The following ABCB6 variants were observed in gnomAD, a reference collection of about 807,000 sequenced individuals.
The protein encoded by ABCB6 is ATP-binding cassette sub-family B member 6.
Under a neutral mutation model 99.4 loss-of-function variants are expected in ABCB6, and 87 were observed. That is an observed-to-expected ratio of 0.88 (90% CI 0.74 to 1.05). The LOEUF is 1.05. Among genes scored for constraint, ABCB6 ranks in the 50% least tolerant of loss-of-function variants. ABCB6 has a pLI of 0.00. For synonymous variants in ABCB6, 482 were observed against 447.5 expected (o/e 1.08, Z -0.97); for missense variants, 1,050 against 1,097.9 (o/e 0.96, Z 0.62).
In ABCB6 at chr2:219,218,769, G is replaced by C; in HGVS notation, c.-96C>G. 1 of 1,342,122 alleles carries C rather than the reference G, an allele frequency of 7.5e-7. No individual in the cohort carries two copies. The highest frequency in any genetic ancestry group is 1.5e-5 in the South Asian group (1 of 64,606). The allele number at this position is 1,342,122 out of a possible 1,614,324, so 83.1% of individuals were successfully genotyped here. On this transcript the variant is annotated 5_prime_UTR_variant, in exon 1 of 19. Transcript: ENST00000265316. ...GGGGCGCGGACATCCGGGTGCCTTG[G>C]CTCACGTAGCCGCTGGGCGCCAAGC... is the stretch of plus-strand genomic sequence containing the variant.
chr2:219,215,975 G>A, intron 5 of ABCB6, 22 bp downstream of exon 5: 1 of 1,536,454 alleles, frequency 6.5e-7, no homozygotes, highest in South Asian at 1.2e-5. Flanking sequence ...CCTCCCACAT[G>A]CCCTTTCCAC....
intron 1 of ABCB6, 111 bp downstream of exon 1, chr2:219,218,014 C>G (rs990198819): frequency 7.0e-6 from 10 of 1,420,466 alleles, no homozygotes; most frequent in South Asian, 1.4e-5. Context: ...CCCCTCCCTT[C>G]TCCCTTTGCT....
In ABCB6 at chr2:219,216,541, C is replaced by CA. The variant is rs1950644555; in HGVS notation, c.869-77dup. The CA allele has an allele frequency of 6.4e-7, 1 of 1,557,890 alleles. No homozygotes were observed. Among genetic ancestry groups the CA allele is most frequent in the Admixed American group, 1.8e-5 (1 of 54,518 alleles). On this transcript the variant is annotated intron_variant, in intron 3 of 18. Coordinates refer to ENST00000265316, the MANE Select transcript of ABCB6 (RefSeq NM_005689.4). The surrounding 1 kb of genome is among the most constrained non-coding windows in gnomAD (Gnocchi z 4.2). ...AGGCAAAATGGCCCCAGGTACCAGC[C>CA]ACAGTCTCTTTCTGACCACCCAGCT... is the stretch of plus-strand genomic sequence containing the variant.
chr2:219,216,464 C>A lies in ABCB6; in HGVS notation c.870G>T (p.Val290=). 1 of 1,613,898 alleles carries A rather than the reference C, an allele frequency of 6.2e-7. No individual in the cohort carries two copies. The highest frequency in any genetic ancestry group is 1.1e-5 in the South Asian group (1 of 91,068). The change falls in exon 4 of 19, where the codon GTG becomes GTT. Residue 290 remains valine, a splice_region_variant and synonymous_variant. Transcript: ENST00000265316. The surrounding 1 kb of genome is among the most constrained non-coding windows in gnomAD (Gnocchi z 4.2). The part of the protein sequence containing the change: ...VLVPIFYRNI[V]NLLTEKAPWN... ...AAGGTGCCTTCTCAGTCAGCAAGTTCACTGTGGAGGAAACGAGTCAGAACC... is the reference window on the plus strand; with the variant it reads ...AAGGTGCCTTCTCAGTCAGCAAGTTAACTGTGGAGGAAACGAGTCAGAACC...
At position 219,218,492 on chromosome 2, in the gene ABCB6, G is replaced by T. The variant is rs777020402; in HGVS notation, c.182C>A (p.Ser61Ter). The T allele has an allele frequency of 6.2e-7, 1 of 1,608,852 alleles. No individual in the cohort carries two copies. Among genetic ancestry groups the T allele is most frequent in the African/African-American group, 1.3e-5 (1 of 75,028 alleles). ...RRRERPAGADSLSWGAGPRIS... is the reference protein window; with the variant it reads ...RRRERPAGAD ...GCGAGGGCCGGCCCCCCAAGACAGC[G>T]AATCAGCACCAGCGGGCCGCTCCCG... The change falls in exon 1 of 19, where the codon TCG (serine) becomes TAG (stop). Residue 61 changes from serine to a stop codon, truncating the protein, a stop_gained. Coordinates refer to ENST00000265316, the MANE Select transcript of ABCB6 (RefSeq NM_005689.4). LOFTEE classifies it high-confidence loss of function.
chr2:219,210,944 A>G lies in ABCB6; in HGVS notation c.2133T>C (p.Ala711=), dbSNP rs1456206432. The change falls in exon 15 of 19, where the codon GCT becomes GCC. Residue 711 remains alanine, a synonymous_variant. Coordinates refer to ENST00000265316, the MANE Select transcript of ABCB6 (RefSeq NM_005689.4). ...AAAGGAATCTCTCACCTTCAGGGAA[A>G]GCCATAATGGCATCATGGATGCCTG... ...QAAGIHDAIM[A]FPEGYRTQVG... 10 of 1,614,068 alleles carry G rather than the reference A, an allele frequency of 6.2e-6. No individual in the cohort carries two copies. Among genetic ancestry groups the G allele is most frequent in the Non-Finnish European group, 8.5e-6 (10 of 1,180,018 alleles).
chr2:219,214,474 C>T lies in ABCB6; in HGVS notation c.1301G>A (p.Trp434Ter). ...YLTLTIVVTE[W>*]RTKFRRAMNT... ...CATAGCACGACGAAACTTGGTTCTC[C>T]ACTCAGTGACCACAATGGTCAGGGC... is the stretch of plus-strand genomic sequence containing the variant. The change falls in exon 7 of 19, where the codon TGG (tryptophan) becomes TAG (stop). Residue 434 changes from tryptophan (W) to a stop codon, truncating the protein, a stop_gained. Coordinates refer to ENST00000265316, the MANE Select transcript of ABCB6 (RefSeq NM_005689.4). LOFTEE classifies it high-confidence loss of function. 6.2e-7 allele frequency: 1 copy of T among 1,614,064 alleles called. No homozygotes were observed. Among genetic ancestry groups the T allele is most frequent in the South Asian group, 1.1e-5 (1 of 91,084 alleles).
At chr2:219,217,881 G>A (rs919663662) in intron 1 of ABCB6, 74 bp from the exon 2 acceptor site, 29 of 1,549,136 alleles carry the variant, frequency 1.9e-5, no homozygotes, top group Admixed American at 6.3e-5. Context: ...TAATAGGGCC[G>A]GGGACTGGTG....
chr2:219,218,586 T>C lies in ABCB6; in HGVS notation c.88A>G (p.Thr30Ala), dbSNP rs1281677761. ...QDGLSPCFFF[T>A]LVPSTRMALG... Reference sequence around the variant, plus strand: ...GCCATCCGCGTCGAGGGCACGAGCGTGAAGAAGAAGCAGGGACTCAGGCCA... The same window carrying C: ...GCCATCCGCGTCGAGGGCACGAGCGCGAAGAAGAAGCAGGGACTCAGGCCA... The change falls in exon 1 of 19, where the codon ACG (threonine) becomes GCG (alanine). Residue 30 changes from threonine (T) to alanine (A), a missense_variant. Coordinates refer to ENST00000265316, the MANE Select transcript of ABCB6 (RefSeq NM_005689.4). 5 of 1,612,390 alleles carry C rather than the reference T, an allele frequency of 3.1e-6. No homozygotes were observed. The African/African-American group carries it at 6.7e-5, about 22-fold the overall frequency.
rs1416023333 is a variant in ABCB6, at chr2:219,210,283, G to A, written c.2367C>T (p.Val789=). Reference sequence around the variant, plus strand: ...TGATGACGAGGATCTGGTCAGCATTGACCACAGTTGAGAGCCTGAGAAGTC... The same window carrying A: ...TGATGACGAGGATCTGGTCAGCATTAACCACAGTTGAGAGCCTGAGAAGTC... ...IVVAHRLSTV[V]NADQILVIKD... Residue 789 remains valine (V), a synonymous_variant, in exon 18 of 19, where the codon GTC becomes GTT. Transcript: ENST00000265316. 2 of 1,614,054 alleles carry A rather than the reference G, an allele frequency of 1.2e-6. No homozygotes were observed. Among genetic ancestry groups the A allele is most frequent in the Non-Finnish European group, 1.7e-6 (2 of 1,180,052 alleles).
chr2:219,214,499 CTGGAGAG>C lies in ABCB6; in HGVS notation c.1277-8_1277-2del. 6.2e-7 allele frequency: 1 copy of C among 1,609,810 alleles called. No individual in the cohort carries two copies. Among genetic ancestry groups the C allele is most frequent in the South Asian group, 1.1e-5 (1 of 90,990 alleles). ...CACTCAGTGACCACAATGGTCAGGG[CTGGAGAG>C]TGACAGGATGGGGAGCAGAATAGGA... On this transcript the variant is annotated splice_acceptor_variant and splice_polypyrimidine_tract_variant and intron_variant, in intron 6 of 18. Coordinates refer to ENST00000265316, the MANE Select transcript of ABCB6 (RefSeq NM_005689.4). LOFTEE classifies it high-confidence loss of function.
In ABCB6 at chr2:219,215,008, T is replaced by C. The variant is rs1391609387; in HGVS notation, c.1229A>G (p.Asn410Ser). 5.6e-6 allele frequency: 9 copies of C among 1,614,100 alleles called. No homozygotes were observed. The highest frequency in any genetic ancestry group is 4.5e-5 in the East Asian group (2 of 44,874). The stretch of plus-strand genomic sequence containing the variant: ...GAACACAATGAGGCCAAACCAGGCG[T>C]TGAAGAACATGCTGAAGTAGATGAT... ...IGIIYFSMFF[N>S]AWFGLIVFLC... The change falls in exon 6 of 19, where the codon AAC (asparagine) becomes AGC (serine). Residue 410 changes from asparagine (N) to serine (S), a missense_variant. Physicochemically the swap from Asn to Ser is conservative, Grantham distance 46 (BLOSUM62 1). Coordinates refer to ENST00000265316, the MANE Select transcript of ABCB6 (RefSeq NM_005689.4).
At position 219,211,033 on chromosome 2, in the gene ABCB6, C is replaced by G. The variant is rs144295428; in HGVS notation, c.2044G>C (p.Asp682His). The G allele has an allele frequency of 5.6e-6, 9 of 1,614,028 alleles. No homozygotes were observed. Among genetic ancestry groups the G allele is most frequent in the Non-Finnish European group, 7.6e-6 (9 of 1,180,046 alleles). The change falls in exon 15 of 19, where the codon GAC (aspartate) becomes CAC (histidine). Residue 682 changes from aspartate (D) to histidine (H), a missense_variant. Coordinates refer to ENST00000265316, the MANE Select transcript of ABCB6 (RefSeq NM_005689.4). ...GTGACACGGCCGTAACGGATATTGT[C>G]GGCGATGGTGTCATTAAAGAGGACA... Reference protein sequence around the residue: ...DTVLFNDTIADNIRYGRVTAG... With the variant: ...DTVLFNDTIAHNIRYGRVTAG...
chr2:219,210,975 T>C lies in ABCB6; in HGVS notation c.2102A>G (p.Gln701Arg). The change falls in exon 15 of 19, where the codon CAG (glutamine) becomes CGG (arginine). Residue 701 changes from glutamine to arginine, a missense_variant. Coordinates refer to ENST00000265316, the MANE Select transcript of ABCB6 (RefSeq NM_005689.4). ...AATGGCATCATGGATGCCTGCAGCC[T>C]GAGCAGCAGCCTCCACCTCATCATT... is the stretch of plus-strand genomic sequence containing the variant. ...AGNDEVEAAAQAAGIHDAIMA... is the reference protein window; with the variant it reads ...AGNDEVEAAARAAGIHDAIMA... The C allele has an allele frequency of 6.2e-7, 1 of 1,614,178 alleles. No homozygotes were observed. Among genetic ancestry groups the C allele is most frequent in the Non-Finnish European group, 8.5e-7 (1 of 1,180,016 alleles).
In ABCB6 at chr2:219,209,946, C is replaced by T. The variant is rs1950553157; in HGVS notation, c.2521G>A (p.Glu841Lys). The part of the protein sequence containing the change: ...TSEDTKPQTM[E>K]R ...AAGTGGCCAAACTTTTGTCACCGTT[C>T]CATGGTCTGAGGCTTAGTGTCTTCA... Residue 841 changes from glutamate (E) to lysine (K), a missense_variant, in exon 19 of 19, where the codon GAA (glutamate) becomes AAA (lysine). Coordinates refer to ENST00000265316, the MANE Select transcript of ABCB6 (RefSeq NM_005689.4). The T allele has an allele frequency of 1.2e-6, 2 of 1,614,112 alleles. No individual in the cohort carries two copies. Among genetic ancestry groups the T allele is most frequent in the South Asian group, 2.2e-5 (2 of 91,082 alleles).
chr2:219,211,027 T>A lies in ABCB6; in HGVS notation c.2050A>T (p.Ile684Phe), dbSNP rs1950571836. Residue 684 changes from isoleucine to phenylalanine, a missense_variant, in exon 15 of 19, where the codon ATC (isoleucine) becomes TTC (phenylalanine). Physicochemically the swap from Ile to Phe is conservative, Grantham distance 21. Transcript: ENST00000265316. ...CCAGCTGTGACACGGCCGTAACGGATATTGTCGGCGATGGTGTCATTAAAG... is the reference window on the plus strand; with the variant it reads ...CCAGCTGTGACACGGCCGTAACGGAAATTGTCGGCGATGGTGTCATTAAAG... ...VLFNDTIADN[I>F]RYGRVTAGND... The A allele has an allele frequency of 1.9e-6, 3 of 1,613,984 alleles. No individual in the cohort carries two copies. The highest frequency in any genetic ancestry group is 2.5e-6 in the Non-Finnish European group (3 of 1,180,034).
chr2:219,213,810 C>G lies in ABCB6; in HGVS notation c.1578+16G>C, dbSNP rs575032343. The G allele has an allele frequency of 9.9e-6, 16 of 1,613,960 alleles. No homozygotes were observed. In the East Asian group the frequency reaches 3.1e-4, roughly 31 times the overall value. ...TTTCCTTGTGCCCCACTCTCTCATC[C>G]AAGATCCTGCCTCACCTGTAGCTTC... is the stretch of plus-strand genomic sequence containing the variant. On this transcript the variant is annotated intron_variant, in intron 9 of 18. Transcript: ENST00000265316.
chr2:219,215,001 C>T lies in ABCB6; in HGVS notation c.1236G>A (p.Trp412Ter), dbSNP rs772387819. 3.7e-6 allele frequency: 6 copies of T among 1,614,042 alleles called. No individual in the cohort carries two copies. In the Admixed American group the frequency reaches 5.0e-5, roughly 13 times the overall value. The change falls in exon 6 of 19, where the codon TGG (tryptophan) becomes TGA (stop). Residue 412 changes from tryptophan to a stop codon, truncating the protein, a stop_gained. Transcript: ENST00000265316. LOFTEE classifies it high-confidence loss of function. ...IIYFSMFFNA[W>*]FGLIVFLCMS... ...TGCACAGGAACACAATGAGGCCAAACCAGGCGTTGAAGAACATGCTGAAGT... is the reference window on the plus strand; with the variant it reads ...TGCACAGGAACACAATGAGGCCAAATCAGGCGTTGAAGAACATGCTGAAGT...
Position 219,216,646 on chromosome 2 carries a change from G to A in ABCB6, c.868+6C>T. On this transcript the variant is annotated splice_donor_region_variant and intron_variant, in intron 3 of 18. Transcript: ENST00000265316. This position sits in a 1 kb window ranked among gnomAD's most constrained non-coding sequence, Gnocchi z 4.2. ...AGCACACTGAGCTGGTGCTCCTCCT[G>A]CTCACCAATGTTCCTATAGAATATA... is the stretch of plus-strand genomic sequence containing the variant. 6.4e-7 allele frequency: 1 copy of A among 1,552,630 alleles called. No homozygotes were observed. The highest frequency in any genetic ancestry group is 8.7e-7 in the Non-Finnish European group (1 of 1,147,074).
Sources: allele counts gnomAD v4.1 joint callset, GRCh38; gene constraint gnomAD v4.1.1; non-coding constraint Gnocchi (gnomAD v3.1); transcripts MANE v1.5; gene names NCBI Gene and HGNC (gene_info 2026-07-23, HGNC 2026-07-21).